Variants in LILRB5 observed in about 807,000 individuals in gnomAD.
The protein encoded by LILRB5 is leukocyte immunoglobulin-like receptor subfamily B member 5.
A neutral mutation model predicts 68.4 loss-of-function variants in LILRB5; 61 were observed. The ratio of observed to expected loss-of-function variants is 0.89; its 90% confidence interval spans 0.73 to 1.10. The LOEUF (loss-of-function observed/expected upper bound fraction) is 1.10. Ranked by LOEUF, LILRB5 falls within the 50% of genes least tolerant of loss-of-function variation. LILRB5 has a pLI of 0.00. For synonymous variants in LILRB5, 356 were observed against 315.8 expected (o/e 1.13, Z -1.35); for missense variants, 771 against 751.6 (o/e 1.03, Z -0.30).
Position 54,254,941 on chromosome 19 carries a change from A to G in LILRB5, c.1049T>C (p.Ile350Thr), listed in dbSNP as rs568182219. The change falls in exon 6 of 13, where the codon ATA (isoleucine) becomes ACA (threonine). Residue 350 changes from isoleucine to threonine, a missense_variant. Ile to Thr is a moderately conservative substitution (Grantham distance 89). Transcript: ENST00000449561. ...VTLLCQSWHQ[I>T]DTFFLTKEGA... Reference sequence around the variant, plus strand: ...CTCCTTGGTCAAAAAGAAAGTGTCTATCTGATGCCATGACTGACACAGCAG... The same window carrying G: ...CTCCTTGGTCAAAAAGAAAGTGTCTGTCTGATGCCATGACTGACACAGCAG... The G allele has an allele frequency of 1.3e-5, 21 of 1,613,840 alleles. No individual in the cohort carries two copies. Among genetic ancestry groups the G allele is most frequent in the Admixed American group, 5.0e-5 (3 of 60,004 alleles).
At position 54,257,159 on chromosome 19, in the gene LILRB5, C is replaced by G. The variant is rs917858411; in HGVS notation, c.34+1G>C. ...CTTCCTTCCCCCTCTTCAAACCTCACCGAGGCAAATCAGGACTGAGAGGGT... is the reference window on the plus strand; with the variant it reads ...CTTCCTTCCCCCTCTTCAAACCTCAGCGAGGCAAATCAGGACTGAGAGGGT... On this transcript the variant is annotated splice_donor_variant, in intron 1 of 12. Coordinates refer to ENST00000449561, the MANE Select transcript of LILRB5 (RefSeq NM_001081442.3). LOFTEE classifies it high-confidence loss of function. 26 of 1,614,104 alleles carry G rather than the reference C, an allele frequency of 1.6e-5. No homozygotes were observed. Among genetic ancestry groups the G allele is most frequent in the Non-Finnish European group, 2.1e-5 (25 of 1,180,036 alleles).
chr19:54,254,490 G>A lies in LILRB5; in HGVS notation c.1256-75C>T, dbSNP rs1328980780. ...AAACCCGTCCCTCCACCTGCCCGTGGCTTCTCTGGAAACTTTCTTCTGCTC... is the reference window on the plus strand; with the variant it reads ...AAACCCGTCCCTCCACCTGCCCGTGACTTCTCTGGAAACTTTCTTCTGCTC... On this transcript the variant is annotated intron_variant, in intron 6 of 12. Transcript: ENST00000449561. 9 of 1,479,242 alleles carry A rather than the reference G, an allele frequency of 6.1e-6. No homozygotes were observed. In the South Asian group the frequency reaches 1.0e-4, roughly 17 times the overall value. The allele number at this position is 1,479,242 out of a possible 1,614,324, so 91.6% of individuals were successfully genotyped here.
Position 54,250,449 on chromosome 19 carries a change from T to C in LILRB5, c.*337A>G, listed in dbSNP as rs1286737970. The C allele has an allele frequency of 1.4e-5, 4 of 286,122 alleles. No individual in the cohort carries two copies. The highest frequency in any genetic ancestry group is 1.9e-5 in the Non-Finnish European group (3 of 153,918). The allele number at this position is 286,122 out of a possible 1,614,324, so 17.7% of individuals were successfully genotyped here. A position where few individuals can be genotyped will look rare whatever the true frequency, so the allele number is the denominator to read the frequency against. On this transcript the variant is annotated 3_prime_UTR_variant, in exon 13 of 13. Coordinates refer to ENST00000449561, the MANE Select transcript of LILRB5 (RefSeq NM_001081442.3). ...TAATTACGTAGGTTTTATTCTTTTCTAATTCATTCGCTCATTTGTAGTTTT... is the reference window on the plus strand; with the variant it reads ...TAATTACGTAGGTTTTATTCTTTTCCAATTCATTCGCTCATTTGTAGTTTT...
At chr19:54,254,285 G>T (rs909624518) in intron 7 of LILRB5, 80 bp downstream of exon 7, 6 of 1,503,532 alleles carry the variant, frequency 4.0e-6, no homozygotes, top group African/African-American at 2.8e-5. Context: ...TCTTTGAGGG[G>T]AATAGGATCC....
Position 54,250,770 on chromosome 19 carries a change from C to G in LILRB5, c.*16G>C, listed in dbSNP as rs1601012240. 1 of 1,613,954 alleles carries G rather than the reference C, an allele frequency of 6.2e-7. No individual in the cohort carries two copies. Among genetic ancestry groups the G allele is most frequent in the Non-Finnish European group, 8.5e-7 (1 of 1,179,950 alleles). On this transcript the variant is annotated 3_prime_UTR_variant, in exon 13 of 13. Coordinates refer to ENST00000449561, the MANE Select transcript of LILRB5 (RefSeq NM_001081442.3). ...AGTCTCCTTCTGTTGAGTATGAGAT[C>G]TGGGTCCCCCGTGGGCTAGTGGATG...
rs563580680 is a variant in LILRB5 at position 54,254,810 on chromosome 19, G to C, written c.1180C>G (p.Arg394Gly). 11 of 1,614,022 alleles carry C rather than the reference G, an allele frequency of 6.8e-6. No individual in the cohort carries two copies. In the East Asian group the frequency reaches 2.4e-4, roughly 36 times the overall value. Reference protein sequence around the residue: ...PVTSAQGGTYRCYSAIRSYPY... With the variant: ...PVTSAQGGTYGCYSAIRSYPY... ...TAGGACCTGATTGCGCTGTAGCATC[G>C]GTAGGTTCCACCCTGGGCTGAGGTC... Residue 394 changes from arginine (R) to glycine (G), a missense_variant, in exon 6 of 13, where the codon CGA (arginine) becomes GGA (glycine). Physicochemically the swap from Arg to Gly is moderately radical, Grantham distance 125. Transcript: ENST00000449561.
Position 54,250,867 on chromosome 19 carries a change from C to G in LILRB5, c.1695G>C (p.Arg565=), listed in dbSNP as rs751260695. 5.0e-6 allele frequency: 8 copies of G among 1,613,530 alleles called. No homozygotes were observed. The African/African-American group carries it at 1.1e-4, about 22-fold the overall frequency. ...GGGATGGAGGAGGCTCAGTTGCCTC[C>G]CGTCTGAGGGTCAAGCTGTGCAGCT... ...YAQLHSLTLR[R]EATEPPPSQE... is the part of the protein sequence containing the mutation. Residue 565 remains arginine (R), a synonymous_variant, in exon 13 of 13, where the codon CGG becomes CGC. Transcript: ENST00000449561.
Position 54,253,364 on chromosome 19 carries a change from G to C in LILRB5, c.1358-377C>G, listed in dbSNP as rs144000190. The C allele has an allele frequency of 2.8e-3, 543 of 193,662 alleles. 2 individuals carry two copies. The highest frequency in any genetic ancestry group is 7.1e-3 in the Middle Eastern group (3 of 420). The allele number at this position is 193,662 out of a possible 1,614,324, so 12.0% of individuals were successfully genotyped here. On this transcript the variant is annotated intron_variant, in intron 8 of 12. Transcript: ENST00000449561. ...CCTTCCCCAGCACAGCAGGGCCTGG[G>C]AGAGGGAGTGGGTTGTGCAGGACGG...
rs2079093932 is a variant in LILRB5 at position 54,255,318 on chromosome 19, G to A, written c.920C>T (p.Ala307Val). 6.2e-7 allele frequency: 1 copy of A among 1,613,586 alleles called. No homozygotes were observed. The highest frequency in any genetic ancestry group is 1.7e-5 in the Admixed American group (1 of 59,996). The change falls in exon 5 of 13, where the codon GCC (alanine) becomes GTC (valine). Residue 307 changes from alanine (A) to valine (V), a missense_variant. Transcript: ENST00000449561. ...GAHNLSPRWSAPSDPLDILIA... is the reference protein window; with the variant it reads ...GAHNLSPRWSVPSDPLDILIA... ...CAGGATGTCCAGGGGGTCGCTGGGG[G>A]CCGACCACCTAGGGGAGAGGTTGTG...
chr19:54,256,590 A>T lies in LILRB5; in HGVS notation c.254T>A (p.Ile85Asn). ...LEPGAKAKFH[I>N]PSTVYDSAGR... is the part of the protein sequence containing the mutation. ...TGCACTGTCATACACCGTGGATGGA[A>T]TGTGGAACTTGGCCTTGGCTCCAGG... The change falls in exon 3 of 13, where the codon ATT (isoleucine) becomes AAT (asparagine). Residue 85 changes from isoleucine to asparagine, a missense_variant. Coordinates refer to ENST00000449561, the MANE Select transcript of LILRB5 (RefSeq NM_001081442.3). The T allele has an allele frequency of 6.2e-7, 1 of 1,614,132 alleles. No homozygotes were observed. Among genetic ancestry groups the T allele is most frequent in the South Asian group, 1.1e-5 (1 of 91,084 alleles).
chr19:54,255,310 C>A lies in LILRB5; in HGVS notation c.928G>T (p.Asp310Tyr), dbSNP rs778979385. The A allele has an allele frequency of 1.2e-6, 2 of 1,613,486 alleles. No homozygotes were observed. The highest frequency in any genetic ancestry group is 2.2e-5 in the East Asian group (1 of 44,866). The change falls in exon 5 of 13, where the codon GAC (aspartate) becomes TAC (tyrosine). Residue 310 changes from aspartate (D) to tyrosine (Y), a missense_variant. Asp to Tyr is a radical substitution (Grantham distance 160, BLOSUM62 -3). Transcript: ENST00000449561. ...CCTGCGATCAGGATGTCCAGGGGGT[C>A]GCTGGGGGCCGACCACCTAGGGGAG... Reference protein sequence around the residue: ...NLSPRWSAPSDPLDILIAGLI... With the variant: ...NLSPRWSAPSYPLDILIAGLI...
chr19:54,255,534 G>T lies in LILRB5; in HGVS notation c.704C>A (p.Ala235Asp), dbSNP rs1449956390. The change falls in exon 5 of 13, where the codon GCC becomes GAC. Residue 235 changes from alanine to aspartate, a missense_variant. By Grantham distance (126) the Ala-to-Asp change is moderately radical. Coordinates refer to ENST00000449561, the MANE Select transcript of LILRB5 (RefSeq NM_001081442.3). ...SLLIPQGSVV[A>D]RGGSLTLQCR... ...CTGCAGGGTCAGGCTGCCTCCGCGG[G>T]CCACGACAGAGCCCTGCGGGATCAG... The T allele has an allele frequency of 1.2e-6, 2 of 1,613,996 alleles. No individual in the cohort carries two copies. The highest frequency in any genetic ancestry group is 1.7e-6 in the Non-Finnish European group (2 of 1,179,932).
chr19:54,252,916 AGAG>A lies in LILRB5; in HGVS notation c.1426_1428del (p.Leu476del). ...TGATGCCGATGTCGGAGGAGGAGGA[AGAG>A]GAGGAGGAACAGCAGCAGGACGAAG... On this transcript the variant is annotated inframe_deletion, in exon 9 of 13. Coordinates refer to ENST00000449561, the MANE Select transcript of LILRB5 (RefSeq NM_001081442.3). The A allele has an allele frequency of 6.3e-7, 1 of 1,595,158 alleles. No homozygotes were observed. Among genetic ancestry groups the A allele is most frequent in the African/African-American group, 1.3e-5 (1 of 74,576 alleles).
At chr19:54,252,717 TC>T in intron 9 of LILRB5, 153 bp downstream of exon 9, 2 of 993,720 alleles carry the variant, frequency 2.0e-6, no homozygotes, top group South Asian at 3.1e-5. Context: ...CCACACATGC[TC>T]ACATTTATTC....
In LILRB5 at chr19:54,257,044, G is replaced by T. The variant is rs747926819; in HGVS notation, c.35-48C>A. On this transcript the variant is annotated intron_variant, in intron 1 of 12. Transcript: ENST00000449561. ...GGATTTGCCCCTGGAAGCCCCAGCA[G>T]TTCCTCTCCTCCCTCGGAGCCTCTG... is the stretch of plus-strand genomic sequence containing the variant. The T allele has an allele frequency of 3.1e-6, 5 of 1,614,176 alleles. No homozygotes were observed. The South Asian group carries it at 4.4e-5, about 14-fold the overall frequency.
In LILRB5 at chr19:54,256,770, G is replaced by C; in HGVS notation, c.74C>G (p.Thr25Ser). The change falls in exon 3 of 13, where the codon ACC (threonine) becomes AGC (serine). Residue 25 changes from threonine to serine, a missense_variant. By Grantham distance (58) the Thr-to-Ser change is moderately conservative (BLOSUM62 1). Transcript: ENST00000449561. The part of the protein sequence containing the change: ...VGPRTCVQAG[T>S]LPKPTLWAEP... ...AGCCCAGAGGGTGGGTTTGGGGAGG[G>C]TGCCTAGAATGGAATCAGAGGCTGG... 6.2e-7 allele frequency: 1 copy of C among 1,613,704 alleles called. No individual in the cohort carries two copies. Among genetic ancestry groups the C allele is most frequent in the South Asian group, 1.1e-5 (1 of 91,076 alleles).
At chr19:54,254,279 T>C in intron 7 of LILRB5, 86 bp downstream of exon 7, 1 of 1,488,746 alleles carries the variant, frequency 6.7e-7, no homozygotes, top group Non-Finnish European at 9.1e-7. Flanking sequence ...CTTGAGTCTT[T>C]GAGGGGAATA....
At position 54,252,553 on chromosome 19, in the gene LILRB5, G is replaced by C. The variant is rs1307821714; in HGVS notation, c.1475-4C>G. 1.9e-6 allele frequency: 3 copies of C among 1,613,524 alleles called. No individual in the cohort carries two copies. The highest frequency in any genetic ancestry group is 2.2e-5 in the East Asian group (1 of 44,898). ...CCTGCAGGACGGTAGAAATGGGCTG[G>C]ACAGAGATGGACAGAGGGTCAGGCC... On this transcript the variant is annotated splice_polypyrimidine_tract_variant and splice_region_variant and intron_variant, in intron 9 of 12. Coordinates refer to ENST00000449561, the MANE Select transcript of LILRB5 (RefSeq NM_001081442.3).
Position 54,252,112 on chromosome 19 carries a change from G to A in LILRB5, c.1577-6C>T, listed in dbSNP as rs2078975608. 6.2e-7 allele frequency: 1 copy of A among 1,613,914 alleles called. No homozygotes were observed. Among genetic ancestry groups the A allele is most frequent in the African/African-American group, 1.3e-5 (1 of 74,890 alleles). On this transcript the variant is annotated splice_region_variant and splice_polypyrimidine_tract_variant and intron_variant, in intron 11 of 12. Coordinates refer to ENST00000449561, the MANE Select transcript of LILRB5 (RefSeq NM_001081442.3). ...TGTGTCCTTCACGGCAGCATCTGCTGGGCCAGAGCAAGGGGTTCATCTCCT... is the reference window on the plus strand; with the variant it reads ...TGTGTCCTTCACGGCAGCATCTGCTAGGCCAGAGCAAGGGGTTCATCTCCT...
Sources: allele counts gnomAD v4.1 joint callset, GRCh38; gene constraint gnomAD v4.1.1; transcripts MANE v1.5; gene names NCBI Gene and HGNC (gene_info 2026-07-23, HGNC 2026-07-21).